Variants in SPOCK1 observed in about 807,000 individuals in gnomAD.
SPOCK1 encodes testican-1.
SPOCK1 carries 23 observed loss-of-function variants against 55.3 expected under a neutral mutation model. That is an observed-to-expected ratio of 0.42 (90% confidence interval 0.30 to 0.59). The LOEUF is 0.59. SPOCK1 is among the 20% of genes least tolerant of loss of function. SPOCK1 has a pLI of 0.22. For missense variants in SPOCK1, 499 were observed against 552.5 expected (o/e 0.90, Z 0.97); for synonymous variants, 226 against 221.0 (o/e 1.02, Z -0.20).
intron 2 of SPOCK1, among the ~76,000 whole-genome samples, chr5:137,396,528 A>G (rs1261848941): frequency 6.6e-6 from 1 of 152,228 alleles, no homozygotes; most frequent in Non-Finnish European, 1.5e-5. Flanking sequence ...CCACAAATCT[A>G]GGAAGCACTG....
intron 6 of SPOCK1, among the ~76,000 whole-genome samples, chr5:136,995,514 T>C (rs1311791777): frequency 1.3e-5 from 2 of 152,198 alleles, no homozygotes; most frequent in Non-Finnish European, 1.5e-5. Flanking sequence ...CCTGTTTTTC[T>C]GAGGAAAATA....
chr5:137,081,186 G>T (rs1456063470), intron 5 of SPOCK1, among the ~76,000 whole-genome samples: 2 of 152,152 alleles, frequency 1.3e-5, no homozygotes, highest in Non-Finnish European at 2.9e-5. Flanking sequence ...CACTGTAGAG[G>T]GCAGGCTCCT....
At chr5:137,001,741 G>A (rs1226776662) in intron 6 of SPOCK1, among the ~76,000 whole-genome samples, 1 of 152,164 alleles carries the variant, frequency 6.6e-6, no homozygotes, top group African/African-American at 2.4e-5. Flanking sequence ...ATACTGACAG[G>A]CAGCCACTAT....
intron 3 of SPOCK1, among the ~76,000 whole-genome samples, chr5:137,191,537 A>G (rs538727924): frequency 6.6e-6 from 1 of 152,342 alleles, no homozygotes; most frequent in South Asian, 2.1e-4. Flanking sequence ...TTCATCCAGT[A>G]CCTCAAAACC....
At chr5:137,488,250 G>A (rs1318552406) in intron 2 of SPOCK1, among the ~76,000 whole-genome samples, 2 of 152,090 alleles carry the variant, frequency 1.3e-5, no homozygotes, top group Non-Finnish European at 2.9e-5. Context: ...GGTGGCGCAT[G>A]ACTGTAGTCC....
chr5:137,063,217 G>A (rs1385184712), intron 6 of SPOCK1, among the ~76,000 whole-genome samples: 1 of 146,072 alleles, frequency 6.8e-6, no homozygotes, highest in Non-Finnish European at 1.5e-5. Flanking sequence ...TCCGGCCTGG[G>A]CGACAGAGCG....
chr5:137,330,104 C>T (rs111395450), intron 2 of SPOCK1, among the ~76,000 whole-genome samples: 2,940 of 152,220 alleles, frequency 0.019, 48 homozygotes, highest in Non-Finnish European at 0.028. Context: ...TTCATCATGA[C>T]GAGCTGCCCA....
intron 2 of SPOCK1, among the ~76,000 whole-genome samples, chr5:137,438,219 A>G: frequency 6.6e-6 from 1 of 152,086 alleles, no homozygotes; most frequent in East Asian, 1.9e-4. Flanking sequence ...GGGCTCCTGC[A>G]CAGGTCCAGG....
chr5:137,496,352 A>T (rs931134160), intron 2 of SPOCK1, among the ~76,000 whole-genome samples: 2 of 152,252 alleles, frequency 1.3e-5, no homozygotes, highest in Admixed American at 1.3e-4. Flanking sequence ...GCCCAATTTT[A>T]AAAAATTTAA....
intron 6 of SPOCK1, among the ~76,000 whole-genome samples, chr5:136,993,671 T>C (rs897332724): frequency 2.6e-5 from 4 of 152,142 alleles, no homozygotes; most frequent in African/African-American, 9.7e-5. Flanking sequence ...AGAAATGCTG[T>C]TACAAGGCAC....
chr5:137,059,187 G>A (rs1429339921), intron 6 of SPOCK1, among the ~76,000 whole-genome samples: 1 of 152,382 alleles, frequency 6.6e-6, no homozygotes, highest in East Asian at 1.9e-4. Context: ...CATCCAAGTG[G>A]AAATGCTAAG....
At position 137,304,131 on chromosome 5, in the gene SPOCK1, T is replaced by C. The variant is rs141223871; in HGVS notation, c.187-37076A>G. Reference sequence around the variant, plus strand: ...TACTCATTACAGAAGAATCAAATTCTTTAGAAAAGCACAAAGAAGGGGGAA... The same window carrying C: ...TACTCATTACAGAAGAATCAAATTCCTTAGAAAAGCACAAAGAAGGGGGAA... On this transcript the variant is annotated intron_variant, in intron 2 of 10. Transcript: ENST00000394945. Among the ~76,000 whole-genome samples, 635 of 152,266 alleles carry C rather than the reference T, an allele frequency of 4.2e-3. 6 individuals are homozygous for C. Among genetic ancestry groups the C allele is most frequent in the African/African-American group, 0.014 (593 of 41,554 alleles).
At chr5:137,112,333 G>A (rs1282649914) in intron 5 of SPOCK1, 102 bp downstream of exon 5, 2 of 1,459,596 alleles carry the variant, frequency 1.4e-6, no homozygotes, top group African/African-American at 1.4e-5. Context: ...GGCAAGGCCT[G>A]GAGCCCACCA....
intron 2 of SPOCK1, among the ~76,000 whole-genome samples, chr5:137,396,672 T>C (rs1684789667): frequency 6.6e-6 from 1 of 152,248 alleles, no homozygotes; most frequent in Non-Finnish European, 1.5e-5. Flanking sequence ...TCAGAAGCCA[T>C]TTATGCACTG....
At chr5:137,022,201 C>G (rs1233718482) in intron 6 of SPOCK1, among the ~76,000 whole-genome samples, 1 of 152,150 alleles carries the variant, frequency 6.6e-6, no homozygotes, top group Non-Finnish European at 1.5e-5. Flanking sequence ...CTCTGCCTGT[C>G]TCTGGACACT....
intron 2 of SPOCK1, among the ~76,000 whole-genome samples, chr5:137,376,972 C>T (rs1274371923): frequency 1.3e-5 from 2 of 152,312 alleles, no homozygotes; most frequent in Admixed American, 6.5e-5. Flanking sequence ...TGGCACTTCG[C>T]TTCCTAACTC....
intron 5 of SPOCK1, among the ~76,000 whole-genome samples, chr5:137,090,855 G>A (rs1476837962): frequency 6.6e-6 from 1 of 152,098 alleles, no homozygotes; most frequent in Non-Finnish European, 1.5e-5. Context: ...TCAGGCACCT[G>A]CAGTCATGAA....
chr5:137,483,810 G>T (rs946024521), intron 2 of SPOCK1, among the ~76,000 whole-genome samples: 6 of 152,144 alleles, frequency 3.9e-5, no homozygotes, highest in Admixed American at 1.3e-4. Flanking sequence ...TCTCCTGGCT[G>T]GGAATCACTG....
intron 3 of SPOCK1, among the ~76,000 whole-genome samples, chr5:137,229,441 C>T (rs901357726): frequency 6.6e-6 from 1 of 152,134 alleles, no homozygotes; most frequent in African/African-American, 2.4e-5. Flanking sequence ...TGGTAGCTCT[C>T]AGGCCCCCAG....
Sources: gnomAD v4.1 joint callset for allele counts (sites outside exome capture counted in the v4.1 genomes callset) on GRCh38, gnomAD v4.1.1 for gene constraint, MANE v1.5 for transcripts, NCBI Gene and HGNC (gene_info 2026-07-23, HGNC 2026-07-21) for gene names.